IQGAP2: variants seen among roughly 807,000 people sequenced by gnomAD.
IQGAP2 encodes the protein IQ motif containing GTPase activating protein 2.
IQGAP2 carries 173 observed loss-of-function variants against 201.3 expected under a neutral mutation model. That is an observed-to-expected ratio of 0.86 (90% CI 0.76 to 0.98). The LOEUF (loss-of-function observed/expected upper bound fraction) is 0.98, where lower values mean the gene tolerates loss of function less well. Ranked by LOEUF, IQGAP2 falls within the 50% of genes least tolerant of loss-of-function variation. The pLI, the probability that IQGAP2 is intolerant of heterozygous loss-of-function variation, is 0.00. For synonymous variants in IQGAP2, 675 were observed against 673.9 expected, an observed-to-expected ratio of 1.00 and a Z score of -0.03; for missense variants, 1,687 against 1,864.8, an observed-to-expected ratio of 0.90 and a Z score of 1.76.
intron 1 of IQGAP2, among the ~76,000 whole-genome samples, chr5:76,459,309 G>A (rs771641895): frequency 4.1e-4 from 62 of 151,968 alleles, no homozygotes; most frequent in South Asian, 4.2e-4. Flanking sequence ...AGTTGAGGCC[G>A]GAAGGGTGCA....
chr5:76,481,118 T>C (rs1755759031), intron 2 of IQGAP2, among the ~76,000 whole-genome samples: 1 of 152,132 alleles, frequency 6.6e-6, no homozygotes, highest in Non-Finnish European at 1.5e-5. Context: ...CACCTCTTAA[T>C]GCTATCACAA....
chr5:76,627,650 C>A, intron 14 of IQGAP2, 150 bp downstream of exon 14: 1 of 574,822 alleles, frequency 1.7e-6, no homozygotes, highest in Non-Finnish European at 3.1e-6. Flanking sequence ...AGTTGGTTGC[C>A]CTATTGTCAG....
chr5:76,405,927 A>G (rs1025808284), intron 1 of IQGAP2, among the ~76,000 whole-genome samples: 8 of 152,326 alleles, frequency 5.3e-5, no homozygotes, highest in South Asian at 2.1e-4. Context: ...ATAAAGTAGC[A>G]ATACATTGTA....
intron 2 of IQGAP2, among the ~76,000 whole-genome samples, chr5:76,548,672 A>T (rs1253230398): frequency 6.6e-6 from 1 of 152,208 alleles, no homozygotes; most frequent in Non-Finnish European, 1.5e-5. Context: ...AAGGGGAGTG[A>T]TATCAATCTC....
intron 1 of IQGAP2, among the ~76,000 whole-genome samples, chr5:76,415,591 G>A (rs758110540): frequency 6.6e-6 from 1 of 152,158 alleles, no homozygotes; most frequent in Admixed American, 6.6e-5. Flanking sequence ...AGAGAATGAG[G>A]GACAGAAATG....
intron 2 of IQGAP2, among the ~76,000 whole-genome samples, chr5:76,534,984 C>A (rs924627086): frequency 1.3e-5 from 2 of 152,100 alleles, no homozygotes; most frequent in African/African-American, 4.8e-5. Context: ...GGGCAGGTGC[C>A]AAGGCTATGA....
chr5:76,677,074 C>A, intron 27 of IQGAP2, 144 bp from the exon 28 acceptor site: 1 of 719,840 alleles, frequency 1.4e-6, no homozygotes, highest in Non-Finnish European at 2.2e-6. Context: ...CAGGAGCCAG[C>A]CTGGAAGAAG....
chr5:76,668,699 G>C lies in IQGAP2; in HGVS notation c.2698G>C (p.Ala900Pro), dbSNP rs1744019288. 6.2e-7 allele frequency: 1 copy of C among 1,608,186 alleles called. No individual in the cohort carries two copies. The highest frequency in any genetic ancestry group is 1.7e-5 in the Admixed American group (1 of 59,198). The change falls in exon 23 of 36, where the codon GCT (alanine) becomes CCT (proline). Residue 900 changes from alanine (A) to proline (P), a missense_variant. Transcript: ENST00000274364. The part of the protein sequence containing the change: ...YLLQTNPLYL[A>P]KLIFQMPQNK... The stretch of plus-strand genomic sequence containing the variant: ...CTTCTAGACCAACCCTTTATACTTG[G>C]CTAAGCTGATTTTCCAGATGCCACA...
intron 2 of IQGAP2, among the ~76,000 whole-genome samples, chr5:76,465,938 G>C (rs1754750177): frequency 6.6e-6 from 1 of 151,976 alleles, no homozygotes; most frequent in African/African-American, 2.4e-5. Flanking sequence ...ATAGCATTAA[G>C]AAAACAATGG....
At position 76,627,406 on chromosome 5, in the gene IQGAP2, C is replaced by T; in HGVS notation, c.1522-4C>T. On this transcript the variant is annotated splice_polypyrimidine_tract_variant and splice_region_variant and intron_variant, in intron 13 of 35. Transcript: ENST00000274364. ...TTCTTTTTATTCTGTGACATTGTCC[C>T]CAGGACTCTGAGAGTGTTTCCAAAG... 6.3e-7 allele frequency: 1 copy of T among 1,581,812 alleles called. No individual in the cohort carries two copies. Among genetic ancestry groups the T allele is most frequent in the Admixed American group, 1.7e-5 (1 of 59,926 alleles).
At chr5:76,542,599 C>T (rs1430840562) in intron 2 of IQGAP2, among the ~76,000 whole-genome samples, 1 of 152,222 alleles carries the variant, frequency 6.6e-6, no homozygotes, top group Non-Finnish European at 1.5e-5. Context: ...TTAATACCTC[C>T]ACTGACACTT....
At chr5:76,586,756 C>A (rs943501562) in intron 5 of IQGAP2, among the ~76,000 whole-genome samples, 1 of 152,224 alleles carries the variant, frequency 6.6e-6, no homozygotes, top group Non-Finnish European at 1.5e-5. Flanking sequence ...AGAGAGGTAG[C>A]TGGGATAGCC....
At chr5:76,551,547 C>A (rs1743523936) in intron 2 of IQGAP2, among the ~76,000 whole-genome samples, 1 of 152,132 alleles carries the variant, frequency 6.6e-6, no homozygotes, top group Non-Finnish European at 1.5e-5. Context: ...CACGTCACTG[C>A]ACTCCAGCCT....
At chr5:76,525,123 A>G (rs1758896168) in intron 2 of IQGAP2, among the ~76,000 whole-genome samples, 1 of 152,190 alleles carries the variant, frequency 6.6e-6, no homozygotes, top group Admixed American at 6.5e-5. Context: ...GCATTTTCAA[A>G]TATAAGAGAA....
chr5:76,691,097 GT>G (rs1746219922), intron 30 of IQGAP2, among the ~76,000 whole-genome samples: 1 of 152,218 alleles, frequency 6.6e-6, no homozygotes. Flanking sequence ...AAATCTGTCC[GT>G]CCCCGTCGTC....
At chr5:76,458,841 C>A (rs1400262906) in intron 1 of IQGAP2, among the ~76,000 whole-genome samples, 1 of 152,066 alleles carries the variant, frequency 6.6e-6, no homozygotes, top group African/African-American at 2.4e-5. Context: ...TATTTTGGAG[C>A]CCTTTGGGAG....
At chr5:76,500,237 C>T (rs1456786829) in intron 2 of IQGAP2, among the ~76,000 whole-genome samples, 1 of 152,164 alleles carries the variant, frequency 6.6e-6, no homozygotes, top group African/African-American at 2.4e-5. Flanking sequence ...CCCAATCTCC[C>T]AAGTAATTAA....
chr5:76,404,557 A>T (rs1056536542), intron 1 of IQGAP2: 2 of 878,900 alleles, frequency 2.3e-6, no homozygotes, highest in Non-Finnish European at 2.7e-6. Flanking sequence ...TAAGGTGGTG[A>T]TACCTTCAGC....
At chr5:76,567,423 T>C (rs1002899198) in intron 3 of IQGAP2, among the ~76,000 whole-genome samples, 4 of 152,206 alleles carry the variant, frequency 2.6e-5, no homozygotes, top group South Asian at 2.1e-4. Flanking sequence ...ATGCCAAACA[T>C]TTCAGATAAC....
Sources: allele counts gnomAD v4.1 joint callset (sites outside exome capture counted in the v4.1 genomes callset), GRCh38; gene constraint gnomAD v4.1.1; transcripts MANE v1.5; gene names NCBI Gene and HGNC (gene_info 2026-07-23, HGNC 2026-07-21).